The following XKR6 variants were observed in gnomAD, a reference collection of about 807,000 sequenced individuals.
The protein encoded by XKR6 is XK-related protein 6.
Under a neutral mutation model 56.7 loss-of-function variants are expected in XKR6, and 22 were observed. The ratio of observed to expected loss-of-function variants is 0.39; its 90% confidence interval spans 0.28 to 0.55. The LOEUF is 0.55. Ranked by LOEUF, XKR6 falls within the 20% of genes least tolerant of loss-of-function variation. The pLI is 0.66. For missense variants in XKR6, 852 were observed against 889.0 expected (o/e 0.96, Z 0.53); for synonymous variants, 524 against 387.8 (o/e 1.35, Z -4.13).
chr8:10,943,169 A>G (rs1002058114), intron 1 of XKR6, among the ~76,000 whole-genome samples: 3 of 152,208 alleles, frequency 2.0e-5, no homozygotes, highest in Admixed American at 1.3e-4. Context: ...AGGACAGAGC[A>G]AAAGGCCTTG....
intron 1 of XKR6, among the ~76,000 whole-genome samples, chr8:11,029,633 C>T (rs1041042417): frequency 2.6e-5 from 4 of 152,148 alleles, no homozygotes; most frequent in African/African-American, 7.2e-5. Context: ...GCTGTGTGAG[C>T]CACCAGTCTC....
chr8:11,024,204 G>GGGGGGTGTGT (rs1260231733), intron 1 of XKR6, among the ~76,000 whole-genome samples: 1 of 136,810 alleles, frequency 7.3e-6, no homozygotes, highest in African/African-American at 2.7e-5. Context: ...CCTGTTAGGA[G>GGGGGGTGTGT]GTGTGTGTGT....
At chr8:10,916,177 G>A (rs1028903583) in intron 2 of XKR6, among the ~76,000 whole-genome samples, 2 of 152,242 alleles carry the variant, frequency 1.3e-5, no homozygotes, top group Admixed American at 6.5e-5. Flanking sequence ...TCTGGACCAG[G>A]TGAGTCATTA....
intron 1 of XKR6, among the ~76,000 whole-genome samples, chr8:10,942,592 G>C (rs1321975644): frequency 6.6e-6 from 1 of 152,254 alleles, no homozygotes; most frequent in Non-Finnish European, 1.5e-5. Flanking sequence ...ACTCACCTCA[G>C]AGAGGACAGC....
At chr8:11,088,501 G>A (rs989353998) in intron 1 of XKR6, among the ~76,000 whole-genome samples, 2 of 152,174 alleles carry the variant, frequency 1.3e-5, no homozygotes, top group Admixed American at 1.3e-4. Context: ...AATCATACCT[G>A]AAGTACACGC....
At chr8:10,924,486 A>G (rs1281994929) in intron 2 of XKR6, 148 bp downstream of exon 2, 3 of 904,718 alleles carry the variant, frequency 3.3e-6, no homozygotes, top group Non-Finnish European at 4.9e-6. Flanking sequence ...CCCCGTCAGC[A>G]CTGCACTGGG....
chr8:10,994,171 T>A (rs1294001073), intron 1 of XKR6, among the ~76,000 whole-genome samples: 1 of 152,206 alleles, frequency 6.6e-6, no homozygotes, highest in Non-Finnish European at 1.5e-5. Flanking sequence ...CCCACTGTCA[T>A]CCTGCCAGGG....
chr8:11,087,791 C>A (rs776268297), intron 1 of XKR6, among the ~76,000 whole-genome samples: 7 of 152,164 alleles, frequency 4.6e-5, no homozygotes, highest in Non-Finnish European at 1.0e-4. Context: ...TGATCTCACA[C>A]GCAAAGGTCA....
chr8:10,989,533 C>A (rs781388374), intron 1 of XKR6, among the ~76,000 whole-genome samples: 4 of 152,172 alleles, frequency 2.6e-5, no homozygotes, highest in Non-Finnish European at 4.4e-5. Flanking sequence ...TGATGGCTTT[C>A]ACCATATAGC....
chr8:11,186,000 T>C (rs1239092356), intron 1 of XKR6, among the ~76,000 whole-genome samples: 3 of 152,184 alleles, frequency 2.0e-5, no homozygotes, highest in Non-Finnish European at 4.4e-5. Flanking sequence ...TTTTTATATT[T>C]TTCGAGGGGA....
chr8:10,911,550 T>TATCTATATATATATAG (rs1800367774), intron 2 of XKR6, among the ~76,000 whole-genome samples: 3 of 145,940 alleles, frequency 2.1e-5, no homozygotes, highest in African/African-American at 7.6e-5. Flanking sequence ...TATATATATA[T>TATCTATATATATATAG]AGAGAGAATA....
chr8:11,179,369 C>G (rs1802848689), intron 1 of XKR6, among the ~76,000 whole-genome samples: 1 of 152,100 alleles, frequency 6.6e-6, no homozygotes. Flanking sequence ...TAAAATAAAC[C>G]TCTACATACT....
chr8:10,926,251 A>T (rs1203644264), intron 1 of XKR6, among the ~76,000 whole-genome samples: 1 of 152,140 alleles, frequency 6.6e-6, no homozygotes, highest in Non-Finnish European at 1.5e-5. Flanking sequence ...TTTTGCCTGG[A>T]GGGATGCTGG....
chr8:11,026,101 C>T (rs930230019), intron 1 of XKR6, among the ~76,000 whole-genome samples: 11 of 152,166 alleles, frequency 7.2e-5, no homozygotes, highest in Middle Eastern at 3.2e-3. Flanking sequence ...CATCATTGTA[C>T]GAGCATCACA....
intron 1 of XKR6, among the ~76,000 whole-genome samples, chr8:11,121,587 G>C (rs1799457326): frequency 6.6e-6 from 1 of 152,146 alleles, no homozygotes; most frequent in Non-Finnish European, 1.5e-5. Context: ...ACTGTTGGTG[G>C]GACTGTAAAC....
intron 1 of XKR6, among the ~76,000 whole-genome samples, chr8:11,142,140 C>T (rs1007347036): frequency 6.6e-6 from 1 of 152,100 alleles, no homozygotes; most frequent in Non-Finnish European, 1.5e-5. Context: ...CATTTCAGCC[C>T]TCTCTACTGG....
At position 10,902,507 on chromosome 8, in the gene XKR6, C is replaced by T. The variant is rs577906882; in HGVS notation, c.962-3591G>A. Among the ~76,000 whole-genome samples, 9 of 152,322 alleles carry T rather than the reference C, an allele frequency of 5.9e-5. 1 individual carries two copies. The highest frequency in any genetic ancestry group is 6.8e-3 in the Middle Eastern group (2 of 294). On this transcript the variant is annotated intron_variant, in intron 2 of 2. Transcript: ENST00000416569. ...CTGCTCCCACTCTCCATCCTTTCTCCGTCTGGTCCCTCTGTCAGTTCAGCT... is the reference window on the plus strand; with the variant it reads ...CTGCTCCCACTCTCCATCCTTTCTCTGTCTGGTCCCTCTGTCAGTTCAGCT...
intron 1 of XKR6, among the ~76,000 whole-genome samples, chr8:11,118,804 T>G (rs1056342418): frequency 6.6e-6 from 1 of 152,184 alleles, no homozygotes; most frequent in Non-Finnish European, 1.5e-5. Flanking sequence ...GTGTCTCTAT[T>G]TCCTTCAGTT....
Position 10,898,744 on chromosome 8 carries a change from A to G in XKR6, c.1134T>C (p.Phe378=). 1 of 1,614,160 alleles carries G rather than the reference A, an allele frequency of 6.2e-7. No individual in the cohort carries two copies. Among genetic ancestry groups the G allele is most frequent in the East Asian group, 2.2e-5 (1 of 44,870 alleles). Residue 378 remains phenylalanine, a synonymous_variant, in exon 3 of 3, where the codon TTT becomes TTC. Transcript: ENST00000416569. The surrounding 1 kb of genome is among the most constrained non-coding windows in gnomAD (Gnocchi z 6.6). The part of the protein sequence containing the change: ...ISSRVISFAL[F]ASIFQLYFGI... ...CAAAATAGAGCTGGAAGATGGAAGCAAAGAGGGCAAAAGAGATCACTCGGG... is the reference window on the plus strand; with the variant it reads ...CAAAATAGAGCTGGAAGATGGAAGCGAAGAGGGCAAAAGAGATCACTCGGG...
Sources: gnomAD v4.1 joint callset for allele counts (sites outside exome capture counted in the v4.1 genomes callset) on GRCh38, gnomAD v4.1.1 for gene constraint, Gnocchi (gnomAD v3.1) non-coding constraint, MANE v1.5 for transcripts, NCBI Gene and HGNC (gene_info 2026-07-23, HGNC 2026-07-21) for gene names.